Variants in VPS26A observed in about 807,000 individuals in gnomAD.
The protein encoded by VPS26A is vacuolar protein sorting-associated protein 26A.
In VPS26A, 22 loss-of-function variants were observed where a neutral mutation model predicts 42.4. The ratio of observed to expected loss-of-function variants is 0.52; its 90% CI spans 0.37 to 0.74. VPS26A has a LOEUF of 0.74. Ranked by LOEUF, VPS26A falls within the 30% of genes least tolerant of loss-of-function variation. The pLI is 0.00. For synonymous variants in VPS26A, 110 were observed against 123.5 expected (o/e 0.89, Z 0.73); for missense variants, 276 against 379.2 (o/e 0.73, Z 2.26).
chr10:69,168,698 C>G (rs1841747834), intron 8 of VPS26A, 67 bp downstream of exon 8: 2 of 1,565,770 alleles, frequency 1.3e-6, no homozygotes, highest in Non-Finnish European at 1.7e-6. Flanking sequence ...AAGCACTCTT[C>G]TAAGCTTCAC....
chr10:69,173,540 T>C lies in VPS26A; in HGVS notation c.*2271T>C, dbSNP rs1841864839. 6.6e-6 allele frequency among the ~76,000 whole-genome samples: 1 copy of C among 152,076 alleles called. No individual in the cohort carries two copies. The highest frequency in any genetic ancestry group is 2.1e-4 in the South Asian group (1 of 4,828). On this transcript the variant is annotated 3_prime_UTR_variant, in exon 9 of 9. Transcript: ENST00000263559. Reference sequence around the variant, plus strand: ...AGGAAGCTGAGACAGGAAGATCCCTTTGAGAGGTGAAGCCAGCTGGACTTC... The same window carrying C: ...AGGAAGCTGAGACAGGAAGATCCCTCTGAGAGGTGAAGCCAGCTGGACTTC...
intron 2 of VPS26A, among the ~76,000 whole-genome samples, chr10:69,139,870 C>G (rs112779649): frequency 6.6e-6 from 1 of 152,010 alleles, no homozygotes; most frequent in Non-Finnish European, 1.5e-5. Context: ...TTTTCTCACC[C>G]TAGCTTAAGA....
chr10:69,154,851 G>A (rs1008755116), intron 2 of VPS26A, among the ~76,000 whole-genome samples: 1 of 152,194 alleles, frequency 6.6e-6, no homozygotes, highest in African/African-American at 2.4e-5. Flanking sequence ...GTGACAGAGT[G>A]AGACTCTGTC....
chr10:69,148,457 T>C (rs569380630), intron 2 of VPS26A, among the ~76,000 whole-genome samples: 32 of 152,348 alleles, frequency 2.1e-4, no homozygotes, highest in African/African-American at 7.0e-4. Flanking sequence ...TTCATCAATA[T>C]GCATATGGAC....
At chr10:69,147,752 C>T (rs774473436) in intron 2 of VPS26A, among the ~76,000 whole-genome samples, 18 of 152,166 alleles carry the variant, frequency 1.2e-4, no homozygotes, top group African/African-American at 3.4e-4. Context: ...CCTGCTCTGT[C>T]GCCAGGCTGG....
In VPS26A at chr10:69,168,723, G is replaced by A; in HGVS notation, c.870+92G>A. 5 of 1,465,386 alleles carry A rather than the reference G, an allele frequency of 3.4e-6. No individual in the cohort carries two copies. The South Asian group carries it at 7.1e-5, about 21-fold the overall frequency. The allele number at this position is 1,465,386 out of a possible 1,614,324, so 90.8% of individuals were successfully genotyped here. ...CTAAGCTTCACTGTACTGAGCGAGT[G>A]GGAGTTTCTAAATAAATAAAAACAC... On this transcript the variant is annotated intron_variant, in intron 8 of 8. Transcript: ENST00000263559.
At chr10:69,141,375 A>G (rs1841035074) in intron 2 of VPS26A, among the ~76,000 whole-genome samples, 1 of 152,226 alleles carries the variant, frequency 6.6e-6, no homozygotes, top group Non-Finnish European at 1.5e-5. Context: ...AGCCAGGAAC[A>G]TCACACTCAT....
chr10:69,168,795 T>A (rs1841750533), intron 8 of VPS26A, among the ~76,000 whole-genome samples, 164 bp downstream of exon 8: 1 of 152,208 alleles, frequency 6.6e-6, no homozygotes, highest in African/African-American at 2.4e-5. Context: ...AATCCTATGA[T>A]AGATCCCTCC....
At chr10:69,134,701 C>T (rs1444096977) in intron 2 of VPS26A, among the ~76,000 whole-genome samples, 2 of 149,190 alleles carry the variant, frequency 1.3e-5, no homozygotes. Context: ...CTCTTCTGGT[C>T]CTTTGCCAGA....
At position 69,168,546 on chromosome 10, in the gene VPS26A, G is replaced by A. The variant is rs1294566979; in HGVS notation, c.785G>A (p.Arg262Lys). The A allele has an allele frequency of 3.1e-6, 5 of 1,613,964 alleles. No individual in the cohort carries two copies. The African/African-American group carries it at 6.7e-5, about 22-fold the overall frequency. Residue 262 changes from arginine to lysine, a missense_variant, in exon 8 of 9, where the codon AGA (arginine) becomes AAA (lysine). Transcript: ENST00000263559. Reference sequence around the variant, plus strand: ...GGATATGACCCAACTCCAACAATGAGAGATGTGAACAAAAAATTTTCAGTA... The same window carrying A: ...GGATATGACCCAACTCCAACAATGAAAGATGTGAACAAAAAATTTTCAGTA... The part of the protein sequence containing the change: ...LAGYDPTPTM[R>K]DVNKKFSVRY...
At chr10:69,143,355 G>A (rs557474934) in intron 2 of VPS26A, among the ~76,000 whole-genome samples, 16 of 152,258 alleles carry the variant, frequency 1.1e-4, no homozygotes, top group Admixed American at 6.5e-5. Context: ...GCTTTGCACT[G>A]TAGGATGCTC....
chr10:69,139,359 G>A (rs35992162), intron 2 of VPS26A, among the ~76,000 whole-genome samples: 26,977 of 151,688 alleles, frequency 0.18, 2,779 homozygotes, highest in Non-Finnish European at 0.23. Context: ...GCTGGAGTGC[G>A]GTGGCATAAT....
At position 69,166,129 on chromosome 10, in the gene VPS26A, ACTT is replaced by A. The variant is rs1476355576; in HGVS notation, c.727+23_727+25del. The A allele has an allele frequency of 1.9e-6, 3 of 1,608,204 alleles. No homozygotes were observed. Among genetic ancestry groups the A allele is most frequent in the East Asian group, 2.2e-5 (1 of 44,792 alleles). On this transcript the variant is annotated intron_variant, in intron 7 of 8. Coordinates refer to ENST00000263559, the MANE Select transcript of VPS26A (RefSeq NM_004896.5). ...GTAAAAGGTAACACACTTTTCAGTT[ACTT>A]CTTTTGTATAGTGCAAACATCAGTG...
chr10:69,144,731 T>C (rs1841117367), intron 2 of VPS26A, among the ~76,000 whole-genome samples: 2 of 148,716 alleles, frequency 1.3e-5, no homozygotes, highest in Admixed American at 1.3e-4. Context: ...TAGTTGACTC[T>C]TTTTCTCTTA....
chr10:69,153,139 C>G (rs1385891502), intron 2 of VPS26A, among the ~76,000 whole-genome samples: 1 of 151,342 alleles, frequency 6.6e-6, no homozygotes. Context: ...AACCTCCGCC[C>G]CCCGGGTTCA....
Position 69,170,772 on chromosome 10 carries a change from T to C in VPS26A, c.871-384T>C, listed in dbSNP as rs543671363. The stretch of plus-strand genomic sequence containing the variant: ...TGCTGGAGGATTAACCTGCTAGTGA[T>C]AATAAAGGATTAGATAGAAAGGGCT... On this transcript the variant is annotated intron_variant, in intron 8 of 8. Coordinates refer to ENST00000263559, the MANE Select transcript of VPS26A (RefSeq NM_004896.5). 1.6e-3 allele frequency among the ~76,000 whole-genome samples: 246 copies of C among 152,350 alleles called. 2 individuals carry two copies. The highest frequency in any genetic ancestry group is 3.8e-3 in the Admixed American group (58 of 15,294).
Position 69,133,776 on chromosome 10 carries a change from T to C in VPS26A, c.153+729T>C, listed in dbSNP as rs532314702. On this transcript the variant is annotated intron_variant, in intron 2 of 8. Transcript: ENST00000263559. The stretch of plus-strand genomic sequence containing the variant: ...TGGCTTACTGCATGCGGCCTTGTAC[T>C]CCTGGACTCAGGTGATTCTCCCACC... 850 of 363,614 alleles carry C rather than the reference T, an allele frequency of 2.3e-3. 12 individuals carry two copies. The highest frequency in any genetic ancestry group is 0.019 in the South Asian group (832 of 44,508). 22.5% of individuals were successfully genotyped at this position (363,614 alleles called of 1,614,324 possible). A position where few individuals can be genotyped will look rare whatever the true frequency, so the allele number is the denominator to read the frequency against.
rs1841708972 is a variant in VPS26A, at chr10:69,167,258, C to T, written c.727+1148C>T. Among the ~76,000 whole-genome samples the T allele has an allele frequency of 4.0e-5, 6 of 150,990 alleles. No homozygotes were observed. The South Asian group carries it at 1.3e-3, about 32-fold the overall frequency. On this transcript the variant is annotated intron_variant, in intron 7 of 8. Transcript: ENST00000263559. ...CAGTCTGGGCAACATGGCAAAACCC[C>T]CATTTCTATAAAAAATACAAAAATT...
At chr10:69,134,110 A>G (rs1279557918) in intron 2 of VPS26A, among the ~76,000 whole-genome samples, 1 of 152,234 alleles carries the variant, frequency 6.6e-6, no homozygotes, top group African/African-American at 2.4e-5. Flanking sequence ...AATAGAAAAT[A>G]CTAGGATTTT....
Sources: gnomAD v4.1 joint callset for allele counts (sites outside exome capture counted in the v4.1 genomes callset) on GRCh38, gnomAD v4.1.1 for gene constraint, MANE v1.5 for transcripts, NCBI Gene and HGNC (gene_info 2026-07-23, HGNC 2026-07-21) for gene names.